KLRD1: variants seen among roughly 807,000 people sequenced by gnomAD.
KLRD1 encodes the protein natural killer cells antigen CD94.
A neutral mutation model predicts 22.6 loss-of-function variants in KLRD1; 21 were observed. The ratio of observed to expected loss-of-function variants is 0.93; its 90% CI spans 0.66 to 1.34. KLRD1 has a LOEUF of 1.34. KLRD1 is among the 40% of genes most tolerant of loss of function. KLRD1 has a pLI of 0.00. For missense variants in KLRD1, 183 were observed against 208.6 expected (o/e 0.88, Z 0.76); for synonymous variants, 59 against 71.1 (o/e 0.83, Z 0.85).
intron 1 of KLRD1, among the ~76,000 whole-genome samples, chr12:10,291,881 G>C (rs1271705086): frequency 6.6e-6 from 1 of 152,086 alleles, no homozygotes; most frequent in East Asian, 1.9e-4. Flanking sequence ...TTGTGAGTGA[G>C]AACATGTGGT....
chr12:10,262,818 TTGAA>T (rs1385837410), intron 1 of KLRD1, among the ~76,000 whole-genome samples: 2 of 152,092 alleles, frequency 1.3e-5, no homozygotes, highest in Admixed American at 6.6e-5. Context: ...ATTGTTTTAA[TTGAA>T]TGAAGAACAA....
chr12:10,261,465 A>G (rs1332291678), intron 1 of KLRD1, among the ~76,000 whole-genome samples: 3 of 152,182 alleles, frequency 2.0e-5, no homozygotes, highest in Non-Finnish European at 4.4e-5. Context: ...TCTTTTATTC[A>G]CATTCCAAAC....
At chr12:10,241,224 T>C (rs1158161065) in intron 1 of KLRD1, among the ~76,000 whole-genome samples, 1 of 152,212 alleles carries the variant, frequency 6.6e-6, no homozygotes, top group African/African-American at 2.4e-5. Flanking sequence ...TGAAGTACTT[T>C]CATAAATAGC....
chr12:10,289,094 G>A (rs1949740248), intron 1 of KLRD1, among the ~76,000 whole-genome samples: 1 of 151,444 alleles, frequency 6.6e-6, no homozygotes, highest in Non-Finnish European at 1.5e-5. Context: ...GGCTAAGACA[G>A]GGGCTCAGTT....
In KLRD1 at chr12:10,278,180, G is replaced by C. The variant is rs117686147; in HGVS notation, c.-100-29798G>C. On this transcript the variant is annotated intron_variant, in intron 1 of 5. Transcript: ENST00000544747. ...TCACTTTTGGCAGATTAACTACAAT[G>C]GATATTTGACCCTCTCTTGTAGCTG... Among the ~76,000 whole-genome samples, 597 of 152,270 alleles carry C rather than the reference G, an allele frequency of 3.9e-3. 19 individuals carry two copies. The East Asian group carries it at 0.068, about 17-fold the overall frequency.
intron 1 of KLRD1, among the ~76,000 whole-genome samples, chr12:10,259,585 A>G (rs1054588781): frequency 3.3e-5 from 5 of 152,222 alleles, no homozygotes; most frequent in African/African-American, 1.2e-4. Flanking sequence ...ATTGCTATTC[A>G]TTTAGACTTA....
At position 10,261,608 on chromosome 12, in the gene KLRD1, C is replaced by A. The variant is rs558465399; in HGVS notation, c.-101+35375C>A. ...GCAGCTCTGACTATTTACAAAGAAG[C>A]AATATTCTTACAATTTGATTCATTA... On this transcript the variant is annotated intron_variant, in intron 1 of 5. Coordinates refer to the KLRD1 transcript ENST00000544747. Among the ~76,000 whole-genome samples the A allele has an allele frequency of 1.4e-3, 210 of 152,196 alleles. 1 individual carries two copies. The highest frequency in any genetic ancestry group is 0.01 in the Middle Eastern group (3 of 294).
At chr12:10,312,727 A>C (rs1435231103) in intron 4 of KLRD1, among the ~76,000 whole-genome samples, 2 of 150,068 alleles carry the variant, frequency 1.3e-5, no homozygotes, top group African/African-American at 2.4e-5. Flanking sequence ...CAGTGGCTGA[A>C]ACCTGTAATC....
At chr12:10,271,818 T>C (rs1949552134) in intron 1 of KLRD1, among the ~76,000 whole-genome samples, 1 of 150,156 alleles carries the variant, frequency 6.7e-6, no homozygotes, top group Admixed American at 6.6e-5. Context: ...TAAAATTGGC[T>C]CCATTTTTTT....
chr12:10,260,592 G>A (rs1949442264), intron 1 of KLRD1, among the ~76,000 whole-genome samples: 1 of 151,914 alleles, frequency 6.6e-6, no homozygotes, highest in Non-Finnish European at 1.5e-5. Context: ...CACGAGGTCA[G>A]GAATTCAAGA....
At chr12:10,247,756 C>T (rs10845086) in intron 1 of KLRD1, among the ~76,000 whole-genome samples, 114,244 of 151,906 alleles carry the variant, frequency 0.75, 43,531 homozygotes, top group East Asian at 1. Flanking sequence ...AGTGAGTTCT[C>T]ATAACATCTG....
chr12:10,250,115 G>T (rs941995947), intron 1 of KLRD1, among the ~76,000 whole-genome samples: 1 of 151,102 alleles, frequency 6.6e-6, no homozygotes, highest in Non-Finnish European at 1.5e-5. Context: ...GCGTTAGGCT[G>T]TCAACCTAGA....
At chr12:10,262,625 C>A (rs1268923784) in intron 1 of KLRD1, among the ~76,000 whole-genome samples, 1 of 151,962 alleles carries the variant, frequency 6.6e-6, no homozygotes, top group African/African-American at 2.4e-5. Flanking sequence ...CCAATACTTA[C>A]CTTTGTTTTG....
chr12:10,266,778 A>G (rs190282380), intron 1 of KLRD1, among the ~76,000 whole-genome samples: 238 of 151,372 alleles, frequency 1.6e-3, no homozygotes, highest in African/African-American at 5.5e-3. Flanking sequence ...ACATATTTGC[A>G]TATGACTTTA....
At position 10,254,474 on chromosome 12, in the gene KLRD1, C is replaced by T. The variant is rs1033940164; in HGVS notation, c.-101+28241C>T. Among the ~76,000 whole-genome samples, 40 of 144,234 alleles carry T rather than the reference C, an allele frequency of 2.8e-4. 1 individual carries two copies. In the South Asian group the frequency reaches 8.5e-3, roughly 31 times the overall value. The allele number at this position is 144,234 out of a possible 152,430, so 94.6% of individuals were successfully genotyped here. The stretch of plus-strand genomic sequence containing the variant: ...AAAACCTATCAACAGAGTAAACAGA[C>T]AATGTACAGACTGGGAGAAAATATT... On this transcript the variant is annotated intron_variant, in intron 1 of 5. Coordinates refer to the KLRD1 transcript ENST00000544747.
chr12:10,254,832 G>C lies in KLRD1; in HGVS notation c.-101+28599G>C, dbSNP rs1446245321. On this transcript the variant is annotated intron_variant, in intron 1 of 5. Transcript: ENST00000544747. ...CACTTGAACCCAGGAGGCGGAGATT[G>C]CAGTGAGCTGAGATTGCGCTACCGC... 1.5e-5 allele frequency among the ~76,000 whole-genome samples: 2 copies of C among 132,564 alleles called. 1 individual carries two copies. Among genetic ancestry groups the C allele is most frequent in the African/African-American group, 5.7e-5 (2 of 35,166 alleles). The allele number at this position is 132,564 out of a possible 152,430, so 87.0% of individuals were successfully genotyped here. A position where few individuals can be genotyped will look rare whatever the true frequency, so the allele number is the denominator to read the frequency against.
intron 1 of KLRD1, among the ~76,000 whole-genome samples, chr12:10,275,397 G>A (rs1949583935): frequency 6.6e-6 from 1 of 152,158 alleles, no homozygotes; most frequent in Admixed American, 6.5e-5. Context: ...TAGGTGACAA[G>A]AAATATTACT....
upstream of KLRD1, among the ~76,000 whole-genome samples, chr12:10,300,495 T>A (rs1949857347): frequency 6.6e-6 from 1 of 152,230 alleles, no homozygotes; most frequent in South Asian, 2.1e-4. Flanking sequence ...TACTAAACCA[T>A]GTTATAAACA....
At chr12:10,267,944 G>T (rs1428951831) in intron 1 of KLRD1, among the ~76,000 whole-genome samples, 1 of 152,196 alleles carries the variant, frequency 6.6e-6, no homozygotes, top group East Asian at 1.9e-4. Flanking sequence ...TTTTAGCTGG[G>T]GAAGGGAGCT....
Sources: allele counts gnomAD v4.1 joint callset (sites outside exome capture counted in the v4.1 genomes callset), GRCh38; gene constraint gnomAD v4.1.1; transcripts MANE v1.5; gene names NCBI Gene and HGNC (gene_info 2026-07-23, HGNC 2026-07-21).